The following EML6 variants were observed in gnomAD, a reference collection of about 807,000 sequenced individuals.
The protein encoded by EML6 is echinoderm microtubule-associated protein-like 6.
Under a neutral mutation model 240.1 loss-of-function variants are expected in EML6, and 154 were observed. The ratio of observed to expected loss-of-function variants is 0.64; its 90% confidence interval spans 0.56 to 0.73. The LOEUF (loss-of-function observed/expected upper bound fraction) is 0.73, where lower values mean the gene tolerates loss of function less well. Ranked by LOEUF, EML6 falls within the 30% of genes least tolerant of loss-of-function variation. EML6 has a pLI of 0.00. For synonymous variants in EML6, 1,148 were observed against 899.0 expected (o/e 1.28, Z -4.95); for missense variants, 2,964 against 2,474.6 (o/e 1.20, Z -4.20).
intron 2 of EML6, among the ~76,000 whole-genome samples, chr2:54,810,669 G>C (rs935603659): frequency 2.6e-5 from 4 of 152,128 alleles, no homozygotes; most frequent in Non-Finnish European, 5.9e-5. Flanking sequence ...TATTGCAGGG[G>C]GAGAGGCAAT....
At chr2:54,887,440 TTGC>T (rs939834262) in intron 17 of EML6, among the ~76,000 whole-genome samples, 13 of 152,362 alleles carry the variant, frequency 8.5e-5, no homozygotes, top group African/African-American at 2.9e-4. Flanking sequence ...TGTCTATAAC[TTGC>T]TGATTTTTTT....
At chr2:54,864,099 T>G (rs1670835183) in intron 13 of EML6, among the ~76,000 whole-genome samples, 1 of 152,192 alleles carries the variant, frequency 6.6e-6, no homozygotes, top group African/African-American at 2.4e-5. Context: ...AGAAAGTAAT[T>G]GCAAAGTTTG....
At chr2:54,777,399 T>C (rs1240802150) in intron 2 of EML6, among the ~76,000 whole-genome samples, 2 of 152,220 alleles carry the variant, frequency 1.3e-5, no homozygotes, top group Admixed American at 6.5e-5. Context: ...GCTCACTTTT[T>C]ATTGCAGGCT....
intron 2 of EML6, among the ~76,000 whole-genome samples, chr2:54,744,893 AAC>A (rs1202531221): frequency 7.5e-6 from 1 of 134,210 alleles, no homozygotes; most frequent in Non-Finnish European, 1.6e-5. Context: ...TGTATAACAC[AAC>A]ACACACACGT....
At position 54,971,013 on chromosome 2, in the gene EML6, G is replaced by A. The variant is rs1676966127; in HGVS notation, c.*918G>A. 1 of 152,200 alleles carries A rather than the reference G, an allele frequency of 6.6e-6. No individual in the cohort carries two copies. Among genetic ancestry groups the A allele is most frequent in the Admixed American group, 6.5e-5 (1 of 15,278 alleles). The allele number at this position is 152,200 out of a possible 1,614,324, so 9.4% of individuals were successfully genotyped here. A position where few individuals can be genotyped will look rare whatever the true frequency, so the allele number is the denominator to read the frequency against. On this transcript the variant is annotated 3_prime_UTR_variant, in exon 42 of 42. Coordinates refer to ENST00000356458, the MANE Select transcript of EML6 (RefSeq NM_001039753.4). ...CAAAATGGAAGGGGAAAAAGGCTCAGGAAGGTCTATGAGAATGAGCTGACT... is the reference window on the plus strand; with the variant it reads ...CAAAATGGAAGGGGAAAAAGGCTCAAGAAGGTCTATGAGAATGAGCTGACT...
At chr2:54,893,626 C>T (rs1672598825) in intron 19 of EML6, among the ~76,000 whole-genome samples, 1 of 152,198 alleles carries the variant, frequency 6.6e-6, no homozygotes, top group Non-Finnish European at 1.5e-5. Context: ...AATCAACTTG[C>T]CAGCAAATAT....
chr2:54,954,117 G>A lies in EML6; in HGVS notation c.4447G>A (p.Asp1483Asn), dbSNP rs1312433368. The A allele has an allele frequency of 2.2e-5, 34 of 1,551,512 alleles. No homozygotes were observed. The highest frequency in any genetic ancestry group is 5.2e-6 in the Non-Finnish European group (6 of 1,146,986). Residue 1483 changes from aspartate (D) to asparagine (N), a missense_variant, in exon 32 of 42, where the codon GAC becomes AAC. By Grantham distance (23) the Asp-to-Asn change is conservative. Transcript: ENST00000356458. ...AAAGCTCCTGGTGTCGGTGGGAGTG[G>A]ACCCTGAGCACACCATCACTGTCTG... ...TGKLLVSVGVDPEHTITVWRW... is the reference protein window; with the variant it reads ...TGKLLVSVGVNPEHTITVWRW...
At chr2:54,790,055 C>T (rs549542398) in intron 2 of EML6, among the ~76,000 whole-genome samples, 1 of 152,170 alleles carries the variant, frequency 6.6e-6, no homozygotes, top group Non-Finnish European at 1.5e-5. Context: ...AGAGGGAGAT[C>T]TAAGAATAGT....
At chr2:54,892,205 T>C (rs1672508973) in intron 18 of EML6, among the ~76,000 whole-genome samples, 1 of 152,168 alleles carries the variant, frequency 6.6e-6, no homozygotes, top group African/African-American at 2.4e-5. Context: ...AGGAACCCTC[T>C]TTTCATCTTC....
intron 11 of EML6, among the ~76,000 whole-genome samples, chr2:54,854,531 A>G (rs1670267508): frequency 6.6e-6 from 1 of 152,124 alleles, no homozygotes; most frequent in African/African-American, 2.4e-5. Flanking sequence ...CTCTTCTGAG[A>G]CTCCTCAACT....
chr2:54,969,599 G>A (rs948549406), intron 41 of EML6, among the ~76,000 whole-genome samples: 2 of 152,186 alleles, frequency 1.3e-5, no homozygotes, highest in Non-Finnish European at 1.5e-5. Context: ...AGACGTAAAT[G>A]AATTGGTCAC....
chr2:54,959,924 C>T (rs935438372), intron 34 of EML6, among the ~76,000 whole-genome samples: 2 of 152,160 alleles, frequency 1.3e-5, no homozygotes, highest in African/African-American at 4.8e-5. Context: ...ACAGGAGAAA[C>T]ATTTCTGTGT....
rs1434984416 is a variant in EML6, at chr2:54,866,847, G to A, written c.2014G>A (p.Ala672Thr). The A allele has an allele frequency of 3.9e-6, 6 of 1,550,974 alleles. No individual in the cohort carries two copies. Among genetic ancestry groups the A allele is most frequent in the African/African-American group, 2.7e-5 (2 of 72,994 alleles). ...HAVPFLKREK[A>T]PEDSLKLQFI... ...AGTGCCCTTCCTCAAACGAGAAAAG[G>A]CTCCTGAGGACAGCTTGAAACTCCA... Residue 672 changes from alanine (A) to threonine (T), a missense_variant, in exon 14 of 42, where the codon GCT becomes ACT. By Grantham distance (58) the Ala-to-Thr change is moderately conservative. Transcript: ENST00000356458.
Position 54,814,213 on chromosome 2 carries a change from A to G in EML6, c.357+822A>G, listed in dbSNP as rs552505409. ...AATTGGACAAATCTGCAAGACTCCT[A>G]TAGCAGACCTTGCATGTTTGTACCT... On this transcript the variant is annotated intron_variant, in intron 3 of 41. Coordinates refer to ENST00000356458, the MANE Select transcript of EML6 (RefSeq NM_001039753.4). Among the ~76,000 whole-genome samples the G allele has an allele frequency of 6.6e-5, 10 of 152,296 alleles. No individual in the cohort carries two copies. The South Asian group carries it at 1.7e-3, about 25-fold the overall frequency.
chr2:54,959,030 A>G, intron 33 of EML6, 74 bp from the exon 34 acceptor site: 1 of 1,397,384 alleles, frequency 7.2e-7, no homozygotes, highest in Non-Finnish European at 9.7e-7. Context: ...TGGTTCCTTA[A>G]TGAGAGAACG....
Position 54,850,088 on chromosome 2 carries a change from C to T in EML6, c.1314C>T (p.Ala438=), listed in dbSNP as rs1669991032. ...NDGPVDVYAV[A]QRYKKIGECS... ...GCCCAGTAGATGTCTATGCTGTTGC[C>T]CAGAGGTATAAGAAAATTGGAGAAT... The change falls in exon 10 of 42, where the codon GCC becomes GCT. Residue 438 remains alanine, a synonymous_variant. Transcript: ENST00000356458. The T allele has an allele frequency of 1.9e-6, 3 of 1,552,002 alleles. No homozygotes were observed. The highest frequency in any genetic ancestry group is 1.4e-5 in the African/African-American group (1 of 73,110).
chr2:54,843,618 G>C (rs1164287212), intron 7 of EML6, among the ~76,000 whole-genome samples: 3 of 152,056 alleles, frequency 2.0e-5, no homozygotes, highest in Admixed American at 2.0e-4. Flanking sequence ...TCCGAGGCGG[G>C]CGGATCACGA....
At chr2:54,739,336 A>C (rs1331710802) in intron 2 of EML6, among the ~76,000 whole-genome samples, 6 of 152,236 alleles carry the variant, frequency 3.9e-5, no homozygotes, top group Admixed American at 3.9e-4. Flanking sequence ...TACCAGTCAC[A>C]AGGTCGCAGG....
chr2:54,861,464 T>C (rs1049034022), intron 12 of EML6, among the ~76,000 whole-genome samples: 1 of 152,178 alleles, frequency 6.6e-6, no homozygotes, highest in Non-Finnish European at 1.5e-5. Context: ...CTACCTGGCT[T>C]AGTGCAGAAA....
Sources: allele counts gnomAD v4.1 joint callset (sites outside exome capture counted in the v4.1 genomes callset), GRCh38; gene constraint gnomAD v4.1.1; transcripts MANE v1.5; gene names NCBI Gene and HGNC (gene_info 2026-07-23, HGNC 2026-07-21).